The following CPED1 variants were observed in gnomAD, a reference collection of about 807,000 sequenced individuals.
The protein encoded by CPED1 is cadherin-like and PC-esterase domain-containing protein 1.
A neutral mutation model predicts 128.2 loss-of-function variants in CPED1; 114 were observed. That is an observed-to-expected ratio of 0.89 (90% CI 0.76 to 1.04). CPED1 has a LOEUF of 1.04. Among genes scored for constraint, CPED1 ranks in the 50% least tolerant of loss-of-function variants. The probability of loss-of-function intolerance (pLI) is 0.00; values close to 1 mark genes in which losing one functional copy is unlikely to be tolerated. For missense variants in CPED1, 1,211 were observed against 1,207.1 expected (o/e 1.00, Z -0.05); for synonymous variants, 462 against 426.7 (o/e 1.08, Z -1.02).
chr7:121,015,931 A>C, intron 3 of CPED1, 83 bp downstream of exon 3: 1 of 1,021,834 alleles, frequency 9.8e-7, no homozygotes, highest in African/African-American at 1.7e-5. Context: ...ATCTCCCTCT[A>C]AAAAAATTTA....
Position 121,014,571 on chromosome 7 carries a change from T to A in CPED1, c.250-1094T>A, listed in dbSNP as rs1399789836. Among the ~76,000 whole-genome samples the A allele has an allele frequency of 3.4e-3, 399 of 117,668 alleles. 3 individuals are homozygous for A. Among genetic ancestry groups the A allele is most frequent in the Middle Eastern group, 0.01 (2 of 200 alleles). The allele number at this position is 117,668 out of a possible 152,430, so 77.2% of individuals were successfully genotyped here. On this transcript the variant is annotated intron_variant, in intron 2 of 22. Transcript: ENST00000310396. ...TCTCAAAAAAAAAAAATAATAATAA[T>A]AATAATAAAATAAAATAAATGATGT...
At chr7:121,171,357 T>A (rs905229131) in intron 16 of CPED1, among the ~76,000 whole-genome samples, 7 of 152,206 alleles carry the variant, frequency 4.6e-5, no homozygotes, top group African/African-American at 1.7e-4. Flanking sequence ...AAAAATGTAA[T>A]GTCTAGAGTT....
intron 4 of CPED1, among the ~76,000 whole-genome samples, chr7:121,061,788 T>C (rs1037185047): frequency 3.9e-5 from 6 of 152,218 alleles, no homozygotes; most frequent in Non-Finnish European, 8.8e-5. Context: ...AGCAGTAGGA[T>C]ATAGAAGAGT....
At chr7:120,995,166 C>T (rs1383842531) in intron 2 of CPED1, among the ~76,000 whole-genome samples, 1 of 152,216 alleles carries the variant, frequency 6.6e-6, no homozygotes, top group Non-Finnish European at 1.5e-5. Context: ...AACTGGTTCT[C>T]TTTGCATGTA....
At chr7:121,094,575 T>C (rs1794654014) in intron 5 of CPED1, among the ~76,000 whole-genome samples, 1 of 152,184 alleles carries the variant, frequency 6.6e-6, no homozygotes, top group African/African-American at 2.4e-5. Flanking sequence ...TGAGCACTTA[T>C]TTGAGTGCTT....
chr7:121,193,588 A>G (rs1397839225), intron 16 of CPED1, among the ~76,000 whole-genome samples: 1 of 152,130 alleles, frequency 6.6e-6, no homozygotes, highest in Admixed American at 6.6e-5. Flanking sequence ...GATTCTAAAG[A>G]GTGGGCCAGA....
At chr7:121,228,075 C>T (rs1416790521) in intron 16 of CPED1, among the ~76,000 whole-genome samples, 1 of 152,014 alleles carries the variant, frequency 6.6e-6, no homozygotes, top group Admixed American at 6.6e-5. Flanking sequence ...GAAAGGTCTC[C>T]TGGACATTGG....
intron 16 of CPED1, among the ~76,000 whole-genome samples, chr7:121,183,430 C>T (rs1267134181): frequency 6.6e-6 from 1 of 152,066 alleles, no homozygotes; most frequent in Non-Finnish European, 1.5e-5. Flanking sequence ...AAGGGTATCC[C>T]AAAGAAAGAG....
chr7:121,278,180 A>G (rs1792366924), intron 22 of CPED1, among the ~76,000 whole-genome samples: 1 of 152,156 alleles, frequency 6.6e-6, no homozygotes. Context: ...AAAATATTGG[A>G]TTTAAAGGAG....
In CPED1 at chr7:121,211,612, G is replaced by GACA. The variant is rs1482155763; in HGVS notation, c.2056-25102_2056-25101insACA. On this transcript the variant is annotated intron_variant, in intron 16 of 22. Coordinates refer to ENST00000310396, the MANE Select transcript of CPED1 (RefSeq NM_024913.5). ...TCAGCTTGAACTATCACAGGGCTGTGGATTGTTGAGAATCAATGGCAGAAG... is the reference window on the plus strand; with the variant it reads ...TCAGCTTGAACTATCACAGGGCTGTGACAGATTGTTGAGAATCAATGGCAGAAG... 1.9e-4 allele frequency among the ~76,000 whole-genome samples: 29 copies of GACA among 152,214 alleles called. No homozygotes were observed. In the South Asian group the frequency reaches 5.2e-3, roughly 27 times the overall value.
chr7:121,187,869 T>A (rs1241859929), intron 16 of CPED1, among the ~76,000 whole-genome samples: 1 of 152,096 alleles, frequency 6.6e-6, no homozygotes, highest in Non-Finnish European at 1.5e-5. Context: ...TTTATTTTAT[T>A]TTACAGATGA....
intron 16 of CPED1, among the ~76,000 whole-genome samples, chr7:121,145,918 C>A (rs1301974157): frequency 1.3e-5 from 2 of 151,816 alleles, no homozygotes; most frequent in African/African-American, 4.8e-5. Flanking sequence ...GCAGGCAAAT[C>A]TAAAGGAAAA....
intron 16 of CPED1, among the ~76,000 whole-genome samples, chr7:121,181,232 A>T (rs193167380): frequency 1.3e-4 from 20 of 152,172 alleles, no homozygotes; most frequent in East Asian, 1.2e-3. Context: ...TTTGCTTGAC[A>T]TGCAAGTATA....
At chr7:121,060,053 C>T (rs1793614412) in intron 4 of CPED1, among the ~76,000 whole-genome samples, 1 of 146,118 alleles carries the variant, frequency 6.8e-6, no homozygotes, top group African/African-American at 2.8e-5. Flanking sequence ...CTTGGCGGGC[C>T]CTGCACTCGG....
intron 16 of CPED1, among the ~76,000 whole-genome samples, chr7:121,167,518 T>C (rs990046233): frequency 6.6e-6 from 1 of 152,180 alleles, no homozygotes; most frequent in African/African-American, 2.4e-5. Context: ...TTTAAGATCA[T>C]GGGATTTATG....
At chr7:121,063,868 A>T (rs1029139909) in intron 4 of CPED1, among the ~76,000 whole-genome samples, 1 of 152,192 alleles carries the variant, frequency 6.6e-6, no homozygotes, top group African/African-American at 2.4e-5. Flanking sequence ...AAGAATGTTT[A>T]TGAAATTTTG....
intron 5 of CPED1, among the ~76,000 whole-genome samples, chr7:121,067,873 A>G (rs2116071070): frequency 6.6e-6 from 1 of 152,298 alleles, no homozygotes; most frequent in Non-Finnish European, 1.5e-5. Context: ...AGTGATGATG[A>G]GCATTTTTTC....
At chr7:121,189,337 C>T (rs544862991) in intron 16 of CPED1, among the ~76,000 whole-genome samples, 38 of 152,178 alleles carry the variant, frequency 2.5e-4, no homozygotes, top group African/African-American at 8.2e-4. Context: ...ACAGGAAACA[C>T]GGCTGGAAAG....
intron 13 of CPED1, among the ~76,000 whole-genome samples, chr7:121,134,629 A>G (rs188053644): frequency 4.6e-5 from 7 of 152,216 alleles, no homozygotes; most frequent in East Asian, 1.9e-4. Flanking sequence ...GTTTGAAGTG[A>G]TAGGTATGCT....
Sources: gnomAD v4.1 joint callset for allele counts (sites outside exome capture counted in the v4.1 genomes callset) on GRCh38, gnomAD v4.1.1 for gene constraint, MANE v1.5 for transcripts, NCBI Gene and HGNC (gene_info 2026-07-23, HGNC 2026-07-21) for gene names.